The following CLIC5 variants were observed in gnomAD, a reference collection of about 807,000 sequenced individuals.
CLIC5 encodes CLIC family member 5, also known as chloride intracellular channel protein 5.
In CLIC5, 20 loss-of-function variants were observed where a neutral mutation model predicts 24.7. That is an observed-to-expected ratio of 0.81 (90% confidence interval 0.57 to 1.18). The LOEUF (loss-of-function observed/expected upper bound fraction) is 1.18, where lower values mean the gene tolerates loss of function less well. Ranked by LOEUF, CLIC5 falls within the 50% of genes most tolerant of loss-of-function variation. The pLI is 0.00. For missense variants in CLIC5, 341 were observed against 326.1 expected (o/e 1.05, Z -0.35); for synonymous variants, 159 against 135.6 (o/e 1.17, Z -1.20).
chr6:45,911,812 C>T (rs1352155209), intron 5 of CLIC5: 2 of 985,284 alleles, frequency 2.0e-6, no homozygotes, highest in African/African-American at 1.7e-5. Flanking sequence ...CCTGCAGATG[C>T]CTCTCCCAAC....
chr6:45,941,733 G>A (rs1764139585), intron 3 of CLIC5, 80 bp from the exon 4 acceptor site: 2 of 1,045,150 alleles, frequency 1.9e-6, no homozygotes, highest in East Asian at 2.4e-5. Flanking sequence ...ATCATGATAA[G>A]CAATACTTCC....
downstream of CLIC5, among the ~76,000 whole-genome samples, chr6:45,896,739 C>A (rs1417760448): frequency 1.3e-5 from 2 of 152,222 alleles, no homozygotes; most frequent in African/African-American, 4.8e-5. Context: ...TCACTGCCAT[C>A]CTGTGCCCCT....
At chr6:45,926,667 A>G (rs1008865904) in intron 4 of CLIC5, among the ~76,000 whole-genome samples, 1 of 152,122 alleles carries the variant, frequency 6.6e-6, no homozygotes, top group Admixed American at 6.5e-5. Context: ...TCTAGAATTT[A>G]GCCTTCTGTG....
chr6:45,955,567 C>T (rs1764615023), intron 1 of CLIC5, among the ~76,000 whole-genome samples: 1 of 152,020 alleles, frequency 6.6e-6, no homozygotes, highest in Non-Finnish European at 1.5e-5. Context: ...ATTGGAATGC[C>T]AACATCTACA....
chr6:46,010,007 G>C (rs1158451819), intron 1 of CLIC5, among the ~76,000 whole-genome samples: 1 of 152,114 alleles, frequency 6.6e-6, no homozygotes, highest in Non-Finnish European at 1.5e-5. Context: ...ATCCAGTGGT[G>C]GTTGCACTGT....
intron 1 of CLIC5, among the ~76,000 whole-genome samples, chr6:46,012,655 T>A (rs1766847609): frequency 6.6e-6 from 1 of 152,232 alleles, no homozygotes; most frequent in African/African-American, 2.4e-5. Context: ...AAGTCTAAAC[T>A]GCTAGATTTG....
chr6:46,092,763 T>G, the CLIC5 span, among the ~76,000 whole-genome samples: 1 of 152,204 alleles, frequency 6.6e-6, no homozygotes, highest in Non-Finnish European at 1.5e-5. Context: ...AGTTTCTTTA[T>G]TATTGATAAG....
intron 4 of CLIC5, among the ~76,000 whole-genome samples, chr6:45,932,323 G>A (rs1455383517): frequency 1.3e-5 from 2 of 151,940 alleles, no homozygotes; most frequent in Non-Finnish European, 2.9e-5. Context: ...TGGCCAGGAC[G>A]GTCTCAAACT....
chr6:46,064,987 T>C (rs1178734218), intron 1 of CLIC5, among the ~76,000 whole-genome samples: 2 of 151,974 alleles, frequency 1.3e-5, no homozygotes, highest in Non-Finnish European at 2.9e-5. Context: ...GTCATGAAAA[T>C]GAAAAGTCAG....
At position 45,891,917 on chromosome 6, in the gene CLIC5, T is replaced by C. The variant is rs138790922; in HGVS notation, c.624-10729A>G. On this transcript the variant is annotated intron_variant, in intron 6 of 6. Coordinates refer to the CLIC5 transcript ENST00000644324. Reference sequence around the variant, plus strand: ...ATTATACACGTGTAAAACAAACAACTGAGAAAACTATATGTACTTATACAG... The same window carrying C: ...ATTATACACGTGTAAAACAAACAACCGAGAAAACTATATGTACTTATACAG... 3.2e-4 allele frequency among the ~76,000 whole-genome samples: 49 copies of C among 152,316 alleles called. No individual in the cohort carries two copies. In the East Asian group the frequency reaches 9.4e-3, roughly 29 times the overall value.
intron 1 of CLIC5, among the ~76,000 whole-genome samples, chr6:45,997,099 C>T (rs1458485160): frequency 6.6e-6 from 1 of 151,526 alleles, no homozygotes; most frequent in Non-Finnish European, 1.5e-5. Flanking sequence ...GACTTGGAAC[C>T]AAGCCAAATG....
chr6:45,899,938 C>T lies in CLIC5; in HGVS notation c.*3150G>A, dbSNP rs1380714982. The stretch of plus-strand genomic sequence containing the variant: ...TTTGCTTAGTGCTAGGTCACTCTAC[C>T]TCTCGTTTAAAAGAATATAGCTATG... On this transcript the variant is annotated 3_prime_UTR_variant, in exon 6 of 6. Coordinates refer to ENST00000339561, the MANE Select transcript of CLIC5 (RefSeq NM_016929.5). 6.6e-6 allele frequency: 1 copy of T among 152,172 alleles called. No homozygotes were observed. Among genetic ancestry groups the T allele is most frequent in the Non-Finnish European group, 1.5e-5 (1 of 68,030 alleles). 9.4% of individuals were successfully genotyped at this position (152,172 alleles called of 1,614,324 possible). A position where few individuals can be genotyped will look rare whatever the true frequency, so the allele number is the denominator to read the frequency against.
upstream of CLIC5, among the ~76,000 whole-genome samples, chr6:46,020,273 T>G (rs1039484484): frequency 6.6e-6 from 1 of 152,154 alleles, no homozygotes; most frequent in Non-Finnish European, 1.5e-5. Context: ...TCCAGAAAGA[T>G]ATCCAAAACA....
the CLIC5 span, among the ~76,000 whole-genome samples, chr6:46,093,054 G>C: frequency 6.6e-6 from 1 of 152,074 alleles, no homozygotes; most frequent in Non-Finnish European, 1.5e-5. Flanking sequence ...GTACAGCTAA[G>C]AATACATATC....
intron 4 of CLIC5, among the ~76,000 whole-genome samples, chr6:45,940,839 T>A (rs1468103052): frequency 6.6e-6 from 1 of 152,218 alleles, no homozygotes; most frequent in South Asian, 2.1e-4. Context: ...ATTGGACGGT[T>A]CCATTCAAAT....
At chr6:45,897,281 T>C (rs1455233137), downstream of CLIC5, among the ~76,000 whole-genome samples, 1 of 152,198 alleles carries the variant, frequency 6.6e-6, no homozygotes, top group East Asian at 1.9e-4. Context: ...AAATCTGCCT[T>C]CACAATACTG....
intron 6 of CLIC5, among the ~76,000 whole-genome samples, chr6:45,881,868 T>G (rs976592298): frequency 1.3e-5 from 2 of 152,154 alleles, no homozygotes; most frequent in African/African-American, 4.8e-5. Context: ...ACCAAGGGCA[T>G]GGGTCTGGTT....
chr6:45,991,813 T>C (rs1009185046), intron 1 of CLIC5, among the ~76,000 whole-genome samples: 2 of 152,110 alleles, frequency 1.3e-5, no homozygotes, highest in African/African-American at 4.8e-5. Context: ...TGAGACAGAA[T>C]GTGAGGAGCT....
intron 1 of CLIC5, among the ~76,000 whole-genome samples, chr6:46,000,059 G>C (rs1341259873): frequency 6.7e-6 from 1 of 149,942 alleles, no homozygotes; most frequent in Non-Finnish European, 1.5e-5. Context: ...CTTCCTTGTG[G>C]TTTTTTAAAT....
Sources: gnomAD v4.1 joint callset for allele counts (sites outside exome capture counted in the v4.1 genomes callset) on GRCh38, gnomAD v4.1.1 for gene constraint, MANE v1.5 for transcripts, NCBI Gene and HGNC (gene_info 2026-07-23, HGNC 2026-07-21) for gene names.